Variants in PPP3CB observed in about 807,000 individuals in gnomAD.
PPP3CB encodes protein phosphatase 3 catalytic subunit beta, also known as serine/threonine-protein phosphatase 2B catalytic subunit beta isoform.
PPP3CB carries 8 observed loss-of-function variants against 66.4 expected under a neutral mutation model. The ratio of observed to expected loss-of-function variants is 0.12; its 90% confidence interval spans 0.07 to 0.22. The LOEUF is 0.22. Ranked by LOEUF, PPP3CB falls within the 10% of genes least tolerant of loss-of-function variation. The probability of loss-of-function intolerance (pLI) is 1.00; values close to 1 mark genes in which losing one functional copy is unlikely to be tolerated. For synonymous variants in PPP3CB, 208 were observed against 221.2 expected (o/e 0.94, Z 0.53); for missense variants, 319 against 642.5 (o/e 0.50, Z 5.44).
intron 9 of PPP3CB, among the ~76,000 whole-genome samples, chr10:73,456,390 C>T (rs891113839): frequency 9.2e-5 from 14 of 152,090 alleles, no homozygotes; most frequent in Admixed American, 8.5e-4. Flanking sequence ...AAGGCTTTTG[C>T]TAGATAACAT....
chr10:73,462,140 C>CT (rs1019088638), intron 9 of PPP3CB, among the ~76,000 whole-genome samples: 1,212 of 94,208 alleles, frequency 0.013, 93 homozygotes, highest in East Asian at 0.022. Context: ...TAAACTCCTT[C>CT]TTTTTTTTTT....
chr10:73,465,382 G>T (rs984632321), intron 9 of PPP3CB, among the ~76,000 whole-genome samples: 10 of 152,012 alleles, frequency 6.6e-5, no homozygotes, highest in Admixed American at 1.3e-4. Flanking sequence ...GCCAATGTAG[G>T]AATATTTTTA....
chr10:73,471,570 T>C lies in PPP3CB; in HGVS notation c.567A>G (p.Glu189=). The part of the protein sequence containing the change: ...YSERVYEACM[E]AFDSLPLAAL... ...CAGCAAGAGGCAAACTATCAAAAGC[T>C]TCCATACAAGCTTCATAGACTCTTT... Residue 189 remains glutamate (E), a synonymous_variant, in exon 5 of 14, where the codon GAA becomes GAG. Coordinates refer to ENST00000360663, the MANE Select transcript of PPP3CB (RefSeq NM_021132.4). The C allele has an allele frequency of 6.2e-7, 1 of 1,611,396 alleles. No homozygotes were observed. Among genetic ancestry groups the C allele is most frequent in the Non-Finnish European group, 8.5e-7 (1 of 1,178,620 alleles).
At chr10:73,488,653 C>G (rs956695849) in intron 1 of PPP3CB, among the ~76,000 whole-genome samples, 6 of 151,038 alleles carry the variant, frequency 4.0e-5, no homozygotes, top group African/African-American at 1.5e-4. Context: ...AGGAAAGATT[C>G]AATAAATCCA....
At chr10:73,446,650 C>G in intron 10 of PPP3CB, 77 bp from the exon 11 acceptor site, 1 of 1,344,990 alleles carries the variant, frequency 7.4e-7, no homozygotes, top group East Asian at 2.3e-5. Flanking sequence ...TTAGCCTGTT[C>G]CACACTCATC....
rs1468175494 is a variant in PPP3CB at position 73,437,920 on chromosome 10, A to C, written c.*322T>G. On this transcript the variant is annotated 3_prime_UTR_variant, in exon 14 of 14. Coordinates refer to ENST00000360663, the MANE Select transcript of PPP3CB (RefSeq NM_021132.4). ...TGAAAAACAAAATCTAATTCTACTG[A>C]AGGGGAAAAGAAATCTGATTTGTAA... 4.4e-6 allele frequency: 1 copy of C among 228,322 alleles called. No individual in the cohort carries two copies. The highest frequency in any genetic ancestry group is 8.4e-6 in the Non-Finnish European group (1 of 118,854). 14.1% of individuals were successfully genotyped at this position (228,322 alleles called of 1,614,324 possible). A position where few individuals can be genotyped will look rare whatever the true frequency, so the allele number is the denominator to read the frequency against.
chr10:73,494,702 C>T (rs1417147025), intron 1 of PPP3CB, among the ~76,000 whole-genome samples: 1 of 148,702 alleles, frequency 6.7e-6, no homozygotes, highest in Non-Finnish European at 1.5e-5. Flanking sequence ...TTAATGGAAA[C>T]ATATGAGTCA....
At position 73,445,876 on chromosome 10, in the gene PPP3CB, G is replaced by A. The variant is rs112733049; in HGVS notation, c.1268+616C>T. Among the ~76,000 whole-genome samples, 168 of 151,972 alleles carry A rather than the reference G, an allele frequency of 1.1e-3. 2 individuals are homozygous for A. The Middle Eastern group carries it at 0.014, about 12-fold the overall frequency. On this transcript the variant is annotated intron_variant, in intron 11 of 13. Coordinates refer to ENST00000360663, the MANE Select transcript of PPP3CB (RefSeq NM_021132.4). ...TGATTCTCCTGCCTCAGCCTCCCGAGTAGCTGGGACTACAGGCATGCACCA... is the reference window on the plus strand; with the variant it reads ...TGATTCTCCTGCCTCAGCCTCCCGAATAGCTGGGACTACAGGCATGCACCA...
At chr10:73,478,708 C>T (rs966928872) in intron 2 of PPP3CB, 85 bp from the exon 3 acceptor site, 1 of 1,204,842 alleles carries the variant, frequency 8.3e-7, no homozygotes, top group Non-Finnish European at 1.2e-6. Flanking sequence ...TTACATAAGA[C>T]ATAGTACAAA....
In PPP3CB at chr10:73,470,825, T is replaced by C. The variant is rs202081514; in HGVS notation, c.888-44A>G. The stretch of plus-strand genomic sequence containing the variant: ...AATATGCATCGTAAAGCATCAATCA[T>C]GGTTACTAAGTTTGATTTATATTTT... On this transcript the variant is annotated intron_variant, in intron 7 of 13. Transcript: ENST00000360663. 137 of 1,587,062 alleles carry C rather than the reference T, an allele frequency of 8.6e-5. 2 individuals are homozygous for C. The African/African-American group carries it at 1.3e-3, about 15-fold the overall frequency.
chr10:73,477,237 CAG>C, intron 3 of PPP3CB: 1 of 516,342 alleles, frequency 1.9e-6, no homozygotes. Flanking sequence ...ATGTGCAACA[CAG>C]GTATCTATTG....
chr10:73,447,922 AAAACT>A (rs2056284557), intron 10 of PPP3CB, among the ~76,000 whole-genome samples: 1 of 151,800 alleles, frequency 6.6e-6, no homozygotes, highest in Admixed American at 6.6e-5. Flanking sequence ...AAAACCCCCA[AAAACT>A]AAAAATATAA....
chr10:73,473,434 A>C (rs550436854), intron 4 of PPP3CB, among the ~76,000 whole-genome samples: 1 of 152,174 alleles, frequency 6.6e-6, no homozygotes. Flanking sequence ...CAGGTGGATT[A>C]CTTGAGGTCA....
intron 3 of PPP3CB, 21 bp downstream of exon 3, chr10:73,478,478 A>G (rs373724721): frequency 3.1e-6 from 5 of 1,595,492 alleles, no homozygotes; most frequent in African/African-American, 1.3e-5. Context: ...AGCAAATCAA[A>G]TGACAGTTTA....
intron 1 of PPP3CB, among the ~76,000 whole-genome samples, chr10:73,491,024 T>TTTTG (rs2057066270): frequency 1.1e-5 from 1 of 88,752 alleles, no homozygotes; most frequent in Non-Finnish European, 2.1e-5. Flanking sequence ...TTTTTATTGT[T>TTTTG]TTTTTTTTTT....
At chr10:73,491,414 C>G (rs2133049554) in intron 1 of PPP3CB, among the ~76,000 whole-genome samples, 1 of 152,210 alleles carries the variant, frequency 6.6e-6, no homozygotes, top group Admixed American at 6.5e-5. Context: ...ATCCCCCCGC[C>G]TCGGCCTCCC....
intron 8 of PPP3CB, among the ~76,000 whole-genome samples, chr10:73,470,234 T>C (rs1439339061): frequency 6.6e-6 from 1 of 151,520 alleles, no homozygotes; most frequent in African/African-American, 2.4e-5. Flanking sequence ...GTGATAAGAC[T>C]GTGGAGGTAA....
rs370104154 is a variant in PPP3CB, at chr10:73,462,406, T to TATA, written c.1108+5144_1108+5146dup. On this transcript the variant is annotated intron_variant, in intron 9 of 13. Coordinates refer to ENST00000360663, the MANE Select transcript of PPP3CB (RefSeq NM_021132.4). ...ATGGGAGAAAAAAGCAGACTAGGGA[T>TATA]ATAAACGGTATGAGGGTCCTACTGG... Among the ~76,000 whole-genome samples, 249 of 152,032 alleles carry TATA rather than the reference T, an allele frequency of 1.6e-3. 1 individual carries two copies. The highest frequency in any genetic ancestry group is 5.8e-3 in the African/African-American group (240 of 41,480).
intron 1 of PPP3CB, among the ~76,000 whole-genome samples, chr10:73,488,107 G>A (rs2057016553): frequency 6.6e-6 from 1 of 152,144 alleles, no homozygotes; most frequent in South Asian, 2.1e-4. Context: ...AACAGGTTCA[G>A]AGACATTAAG....
Sources: gnomAD v4.1 joint callset for allele counts (sites outside exome capture counted in the v4.1 genomes callset) on GRCh38, gnomAD v4.1.1 for gene constraint, MANE v1.5 for transcripts, NCBI Gene and HGNC (gene_info 2026-07-23, HGNC 2026-07-21) for gene names.